Variants in LAMC1 observed in about 807,000 individuals in gnomAD.
The protein encoded by LAMC1 is laminin subunit gamma 1.
Under a neutral mutation model 173.6 loss-of-function variants are expected in LAMC1, and 38 were observed. The observed-to-expected ratio is 0.22, with a 90% CI of 0.17 to 0.29. The LOEUF is 0.29. Among genes scored for constraint, LAMC1 ranks in the 10% least tolerant of loss-of-function variants. The probability of loss-of-function intolerance (pLI) is 1.00; values close to 1 mark genes in which losing one functional copy is unlikely to be tolerated. For synonymous variants in LAMC1, 746 were observed against 749.1 expected (o/e 1.00, Z 0.07); for missense variants, 1,824 against 2,051.8 (o/e 0.89, Z 2.14).
chr1:183,117,809 A>G, intron 10 of LAMC1, 86 bp downstream of exon 10: 1 of 1,208,006 alleles, frequency 8.3e-7, no homozygotes, highest in Non-Finnish European at 1.2e-6. Flanking sequence ...CTCTAGATGT[A>G]TTTTAAAGAA....
chr1:183,116,697 T>C, intron 7 of LAMC1, 22 bp downstream of exon 7: 1 of 1,608,330 alleles, frequency 6.2e-7, no homozygotes, highest in Non-Finnish European at 8.5e-7. Flanking sequence ...TTTCTCTAGC[T>C]GCATTGTGTT....
At chr1:183,081,180 G>A (rs537244373) in intron 1 of LAMC1, among the ~76,000 whole-genome samples, 3 of 152,122 alleles carry the variant, frequency 2.0e-5, no homozygotes, top group African/African-American at 7.2e-5. Context: ...CAGCCACCGC[G>A]CCCGGCCTGT....
chr1:183,139,121 T>C (rs1035436063), intron 26 of LAMC1, among the ~76,000 whole-genome samples: 1 of 152,192 alleles, frequency 6.6e-6, no homozygotes, highest in Non-Finnish European at 1.5e-5. Flanking sequence ...TTTAATATGA[T>C]TGTAGAAACA....
chr1:183,094,721 G>A (rs1655650015), intron 1 of LAMC1, among the ~76,000 whole-genome samples: 1 of 152,218 alleles, frequency 6.6e-6, no homozygotes, highest in African/African-American at 2.4e-5. Flanking sequence ...TTTGTAATTT[G>A]TAATTATTTC....
intron 1 of LAMC1, among the ~76,000 whole-genome samples, chr1:183,073,733 C>T (rs1014285329): frequency 2.2e-4 from 34 of 152,094 alleles, no homozygotes; most frequent in Non-Finnish European, 5.9e-5. Flanking sequence ...CAGTGTCCAG[C>T]ACATAGTCAA....
At chr1:183,064,546 C>G (rs553903466) in intron 1 of LAMC1, among the ~76,000 whole-genome samples, 1 of 152,106 alleles carries the variant, frequency 6.6e-6, no homozygotes, top group South Asian at 2.1e-4. Flanking sequence ...TTAATAAAAA[C>G]AAGTAAGACA....
intron 1 of LAMC1, among the ~76,000 whole-genome samples, chr1:183,085,477 C>G (rs911925826): frequency 6.6e-6 from 1 of 152,042 alleles, no homozygotes; most frequent in Admixed American, 6.5e-5. Flanking sequence ...ATCCTCCCAC[C>G]TTAGCCACCT....
intron 11 of LAMC1, among the ~76,000 whole-genome samples, chr1:183,121,120 TA>T (rs1391507009): frequency 6.6e-6 from 1 of 151,940 alleles, no homozygotes; most frequent in South Asian, 2.1e-4. Context: ...GTGTGTGTTT[TA>T]AAAAAAATTA....
At position 183,130,388 on chromosome 1, in the gene LAMC1, A is replaced by G; in HGVS notation, c.3325A>G (p.Thr1109Ala). The G allele has an allele frequency of 6.2e-7, 1 of 1,614,076 alleles. No homozygotes were observed. The change falls in exon 19 of 28, where the codon ACT becomes GCT. Residue 1109 changes from threonine to alanine, a missense_variant. Thr to Ala is a moderately conservative substitution (Grantham distance 58, BLOSUM62 0). Transcript: ENST00000258341. Reference sequence around the variant, plus strand: ...GGATCGCCTACAGAGAGTGAATAACACTCTGTCCAGCCAAATTAGCCGTTT... The same window carrying G: ...GGATCGCCTACAGAGAGTGAATAACGCTCTGTCCAGCCAAATTAGCCGTTT... ...LMDRLQRVNN[T>A]LSSQISRLQN...
intron 1 of LAMC1, among the ~76,000 whole-genome samples, chr1:183,036,487 C>G (rs1032343250): frequency 1.3e-5 from 2 of 148,506 alleles, no homozygotes; most frequent in African/African-American, 5.0e-5. Flanking sequence ...ACTGCTACCT[C>G]TGCCTCCTGG....
intron 13 of LAMC1, 43 bp downstream of exon 13, chr1:183,122,294 A>T (rs773353663): frequency 6.3e-7 from 1 of 1,578,794 alleles, no homozygotes; most frequent in Non-Finnish European, 8.7e-7. Context: ...TCCCTTCTAT[A>T]AAAAGACCTA....
rs549024220 is a variant in LAMC1 at position 183,051,932 on chromosome 1, T to G, written c.418+27798T>G. On this transcript the variant is annotated intron_variant, in intron 1 of 27. Coordinates refer to ENST00000258341, the MANE Select transcript of LAMC1 (RefSeq NM_002293.4). ...GGTGCAGGGATCCATCTTCAGGGTG[T>G]TCTCCAGGAGAGCCATAAATGTAAC... 2.0e-5 allele frequency among the ~76,000 whole-genome samples: 3 copies of G among 152,310 alleles called. No homozygotes were observed. In the East Asian group the frequency reaches 5.8e-4, roughly 29 times the overall value.
intron 25 of LAMC1, 21 bp downstream of exon 25, chr1:183,136,606 A>T: frequency 6.4e-7 from 1 of 1,559,342 alleles, no homozygotes; most frequent in South Asian, 1.2e-5. Context: ...CCTCTTCTCC[A>T]AGAGTCCCTG....
chr1:183,050,543 A>G (rs1403530367), intron 1 of LAMC1, among the ~76,000 whole-genome samples: 5 of 141,922 alleles, frequency 3.5e-5, no homozygotes, highest in African/African-American at 5.1e-5. Context: ...CGGCCTCCCA[A>G]AGTGCTGGGA....
In LAMC1 at chr1:183,143,610, GGATAT is replaced by G. The variant is rs564716305; in HGVS notation, c.*825_*829del. 118 of 152,500 alleles carry G rather than the reference GGATAT, an allele frequency of 7.7e-4. No homozygotes were observed. The highest frequency in any genetic ancestry group is 2.8e-3 in the African/African-American group (116 of 41,516). The allele number at this position is 152,500 out of a possible 1,614,324, so 9.4% of individuals were successfully genotyped here. A position where few individuals can be genotyped will look rare whatever the true frequency, so the allele number is the denominator to read the frequency against. The stretch of plus-strand genomic sequence containing the variant: ...AATGGAACTTACACAGAAGAAATAG[GGATAT>G]GATAACCACTAAAATTTTGTTTTCA... On this transcript the variant is annotated 3_prime_UTR_variant, in exon 28 of 28. Coordinates refer to ENST00000258341, the MANE Select transcript of LAMC1 (RefSeq NM_002293.4).
At chr1:183,115,694 ATTAATAG>A in intron 6 of LAMC1, 57 bp downstream of exon 6, 1 of 1,119,140 alleles carries the variant, frequency 8.9e-7, no homozygotes, top group Non-Finnish European at 1.4e-6. Context: ...GTCAACACAT[ATTAATAG>A]ATCTTATGGC....
chr1:183,085,319 G>C (rs1655398571), intron 1 of LAMC1, among the ~76,000 whole-genome samples: 1 of 151,732 alleles, frequency 6.6e-6, no homozygotes, highest in Non-Finnish European at 1.5e-5. Context: ...GTTGCTCCTT[G>C]ACTGGTGGTT....
At position 183,140,546 on chromosome 1, in the gene LAMC1, TG is replaced by T. The variant is rs773975608; in HGVS notation, c.4573+44del. ...CATTTTTGTCAGTCTCTGAATCTTTTGTACTGTTCTTAGGATCTGATATAGT... is the reference window on the plus strand; with the variant it reads ...CATTTTTGTCAGTCTCTGAATCTTTTTACTGTTCTTAGGATCTGATATAGT... On this transcript the variant is annotated intron_variant, in intron 27 of 27. Coordinates refer to ENST00000258341, the MANE Select transcript of LAMC1 (RefSeq NM_002293.4). 6.1e-6 allele frequency: 8 copies of T among 1,319,596 alleles called. No homozygotes were observed. The South Asian group carries it at 8.4e-5, about 14-fold the overall frequency. 81.7% of individuals were successfully genotyped at this position (1,319,596 alleles called of 1,614,324 possible).
intron 17 of LAMC1, 67 bp from the exon 18 acceptor site, chr1:183,128,527 T>C: frequency 1.5e-6 from 2 of 1,335,990 alleles, no homozygotes; most frequent in South Asian, 3.1e-5. Flanking sequence ...CTGCAGGAAG[T>C]GTGATTGAGT....
Sources: allele counts gnomAD v4.1 joint callset (sites outside exome capture counted in the v4.1 genomes callset), GRCh38; gene constraint gnomAD v4.1.1; transcripts MANE v1.5; gene names NCBI Gene and HGNC (gene_info 2026-07-23, HGNC 2026-07-21).